The following SMCO2 variants were observed in gnomAD, a reference collection of about 807,000 sequenced individuals.
The protein encoded by SMCO2 is single-pass membrane and coiled-coil domain-containing protein 2.
Under a neutral mutation model 29.5 loss-of-function variants are expected in SMCO2, and 25 were observed. The observed-to-expected ratio is 0.85, with a 90% CI of 0.62 to 1.18. SMCO2 has a LOEUF of 1.18. Among genes scored for constraint, SMCO2 ranks in the 50% most tolerant of loss-of-function variants. The pLI is 0.00. For missense variants in SMCO2, 348 were observed against 344.5 expected, an observed-to-expected ratio of 1.01 and a Z score of -0.08; for synonymous variants, 117 against 123.3, an observed-to-expected ratio of 0.95 and a Z score of 0.34.
the SMCO2 span, among the ~76,000 whole-genome samples, chr12:27,430,877 C>T: frequency 2.6e-5 from 4 of 152,130 alleles, no homozygotes; most frequent in South Asian, 6.3e-4. Context: ...AATCCAGACC[C>T]GAGCAGCTCG....
At chr12:27,488,568 A>G (rs1349273937) in intron 5 of SMCO2, 21 bp downstream of exon 6, 2 of 1,510,200 alleles carry the variant, frequency 1.3e-6, no homozygotes, top group Admixed American at 2.2e-5. Context: ...GACTTGGGAA[A>G]GACTGAGAGG....
At chr12:27,465,070 AAGAGAG>A (rs368882896), upstream of SMCO2, among the ~76,000 whole-genome samples, 571 of 150,574 alleles carry the variant, frequency 3.8e-3, no homozygotes, top group African/African-American at 0.013. Context: ...AGAAAAGAAA[AAGAGAG>A]AGAGAGAGAA....
intron 5 of SMCO2, 21 bp from the exon 7 acceptor site, chr12:27,494,279 G>A (rs1422877887): frequency 7.0e-7 from 1 of 1,429,070 alleles, no homozygotes; most frequent in Non-Finnish European, 9.3e-7. Flanking sequence ...ATTTTACCCA[G>A]AATTGTGGAT....
chr12:27,438,354 C>G, the SMCO2 span, among the ~76,000 whole-genome samples: 1 of 152,162 alleles, frequency 6.6e-6, no homozygotes, highest in African/African-American at 2.4e-5. Context: ...AACTCTCAAA[C>G]CTATGATTCC....
At chr12:27,463,947 C>G (rs980086285), upstream of SMCO2, among the ~76,000 whole-genome samples, 15 of 152,144 alleles carry the variant, frequency 9.9e-5, no homozygotes, top group Non-Finnish European at 2.1e-4. Context: ...AGCAAAGCAA[C>G]AGTGCGGAGG....
At chr12:27,461,214 TTTA>T in the SMCO2 span, among the ~76,000 whole-genome samples, 2 of 152,164 alleles carry the variant, frequency 1.3e-5, no homozygotes, top group African/African-American at 4.8e-5. Context: ...TTCTTAAACT[TTTA>T]TTATTTTATT....
At chr12:27,461,857 G>A (rs1415350601), upstream of SMCO2, among the ~76,000 whole-genome samples, 2 of 152,122 alleles carry the variant, frequency 1.3e-5, no homozygotes, top group Non-Finnish European at 2.9e-5. Flanking sequence ...CTTTTACTGT[G>A]TGAAGCTCTT....
chr12:27,488,604 C>T, intron 5 of SMCO2, 57 bp downstream of exon 6: 1 of 1,292,016 alleles, frequency 7.7e-7, no homozygotes, highest in Non-Finnish European at 1.1e-6. Flanking sequence ...ACTTCTTTCC[C>T]TACTACCTTT....
intron 1 of SMCO2, among the ~76,000 whole-genome samples, chr12:27,470,094 G>T (rs548663311): frequency 6.6e-6 from 1 of 152,226 alleles, no homozygotes; most frequent in Middle Eastern, 3.4e-3. Flanking sequence ...TAAGCAATTA[G>T]AAATAACCTA....
At chr12:27,440,786 T>C in the SMCO2 span, among the ~76,000 whole-genome samples, 1 of 151,966 alleles carries the variant, frequency 6.6e-6, no homozygotes, top group Non-Finnish European at 1.5e-5. Flanking sequence ...TAAAAACCTA[T>C]AGTAGCTTCA....
At chr12:27,476,117 C>G (rs1949584223) in intron 4 of SMCO2, among the ~76,000 whole-genome samples, 1 of 152,134 alleles carries the variant, frequency 6.6e-6, no homozygotes. Context: ...TTCCTTGACC[C>G]AATGGTCATT....
chr12:27,483,705 G>A (rs79237532), intron 4 of SMCO2, among the ~76,000 whole-genome samples: 1,894 of 152,240 alleles, frequency 0.012, 15 homozygotes, highest in South Asian at 0.031. Flanking sequence ...GATTATAGGC[G>A]TGAACCGTTA....
intron 7 of SMCO2, chr12:27,497,495 C>T (rs528488537): frequency 1.6e-5 from 3 of 182,396 alleles, no homozygotes; most frequent in African/African-American, 7.4e-5. Flanking sequence ...AATCCAAGCA[C>T]TTCGGGAGCC....
the SMCO2 span, among the ~76,000 whole-genome samples, chr12:27,454,614 T>A: frequency 6.6e-6 from 1 of 152,228 alleles, no homozygotes; most frequent in Non-Finnish European, 1.5e-5. Flanking sequence ...CTGGGATACA[T>A]GTGCAGAACA....
chr12:27,480,908 A>G (rs1305145864), intron 4 of SMCO2, among the ~76,000 whole-genome samples: 2 of 152,252 alleles, frequency 1.3e-5, no homozygotes, highest in South Asian at 2.1e-4. Flanking sequence ...CTTTATAGCA[A>G]TGCAAGAACA....
In SMCO2 at chr12:27,488,555, A is replaced by G; in HGVS notation, c.450+8A>G. 6.5e-7 allele frequency: 1 copy of G among 1,527,968 alleles called. No individual in the cohort carries two copies. The highest frequency in any genetic ancestry group is 8.8e-7 in the Non-Finnish European group (1 of 1,136,822). 94.7% of individuals were successfully genotyped at this position (1,527,968 alleles called of 1,614,324 possible). A position where few individuals can be genotyped will look rare whatever the true frequency, so the allele number is the denominator to read the frequency against. On this transcript the variant is annotated splice_region_variant and intron_variant, in intron 5 of 7. Coordinates refer to ENST00000298876, the Ensembl canonical transcript of SMCO2. Reference sequence around the variant, plus strand: ...CAAGGGACAAGCACTGAGGTAAGCTAGAGACTTGGGAAAGACTGAGAGGTT... The same window carrying G: ...CAAGGGACAAGCACTGAGGTAAGCTGGAGACTTGGGAAAGACTGAGAGGTT...
At chr12:27,446,849 A>G in the SMCO2 span, among the ~76,000 whole-genome samples, 1 of 151,978 alleles carries the variant, frequency 6.6e-6, no homozygotes, top group Non-Finnish European at 1.5e-5. Flanking sequence ...GGGGCCTGGG[A>G]ATTTGCATTT....
chr12:27,452,778 A>G, the SMCO2 span, among the ~76,000 whole-genome samples: 12 of 152,316 alleles, frequency 7.9e-5, no homozygotes, highest in African/African-American at 2.9e-4. Flanking sequence ...AAGAGCCACT[A>G]TGCCTAGCCA....
intron 1 of SMCO2, 126 bp from the exon 2 acceptor site, chr12:27,470,496 G>A: frequency 5.3e-6 from 5 of 948,286 alleles, no homozygotes; most frequent in Admixed American, 3.8e-5. Context: ...ACGATGAACA[G>A]CCAGTTGAAA....
Sources: gnomAD v4.1 joint callset for allele counts (sites outside exome capture counted in the v4.1 genomes callset) on GRCh38, gnomAD v4.1.1 for gene constraint, MANE v1.5 for transcripts, NCBI Gene and HGNC (gene_info 2026-07-23, HGNC 2026-07-21) for gene names.